Variants in DLGAP1 observed in about 807,000 individuals in gnomAD.
The protein encoded by DLGAP1 is disks large-associated protein 1.
Under a neutral mutation model 90.8 loss-of-function variants are expected in DLGAP1, and 11 were observed. That is an observed-to-expected ratio of 0.12 (90% CI 0.08 to 0.20). The LOEUF (loss-of-function observed/expected upper bound fraction) is 0.20, where lower values mean the gene tolerates loss of function less well. DLGAP1 is among the 10% of genes least tolerant of loss of function. The pLI, the probability that DLGAP1 is intolerant of heterozygous loss-of-function variation, is 1.00. For missense variants in DLGAP1, 1,050 were observed against 1,333.8 expected, an observed-to-expected ratio of 0.79 and a Z score of 3.31; for synonymous variants, 558 against 540.7, an observed-to-expected ratio of 1.03 and a Z score of -0.44.
At chr18:3,591,998 C>A (rs982535544) in intron 7 of DLGAP1, among the ~76,000 whole-genome samples, 14 of 152,078 alleles carry the variant, frequency 9.2e-5, no homozygotes, top group African/African-American at 3.4e-4. Context: ...AGCAATTGTA[C>A]CAACATCTGA....
chr18:3,927,260 A>C (rs2072412692), intron 3 of DLGAP1, among the ~76,000 whole-genome samples: 1 of 152,236 alleles, frequency 6.6e-6, no homozygotes, highest in Non-Finnish European at 1.5e-5. Context: ...TTTACATCTT[A>C]CAACTTTTGG....
chr18:3,576,107 C>T (rs1227736243), intron 8 of DLGAP1, among the ~76,000 whole-genome samples: 5 of 152,148 alleles, frequency 3.3e-5, no homozygotes, highest in Admixed American at 1.3e-4. Context: ...GGCCAGGACT[C>T]CCAAACTACA....
At chr18:3,553,794 A>G (rs551212818) in intron 9 of DLGAP1, among the ~76,000 whole-genome samples, 34 of 152,226 alleles carry the variant, frequency 2.2e-4, no homozygotes, top group African/African-American at 7.7e-4. Context: ...CGGTCCCCCA[A>G]TGTGCTGGGA....
intron 7 of DLGAP1, among the ~76,000 whole-genome samples, chr18:3,600,200 TC>T (rs1713112196): frequency 6.6e-6 from 1 of 152,208 alleles, no homozygotes; most frequent in Non-Finnish European, 1.5e-5. Context: ...GTTCATTAGT[TC>T]ATCACCATGC....
chr18:4,187,671 A>G (rs1397363729), intron 1 of DLGAP1, among the ~76,000 whole-genome samples: 1 of 152,126 alleles, frequency 6.6e-6, no homozygotes, highest in Non-Finnish European at 1.5e-5. Flanking sequence ...ATTTGACTAA[A>G]GAAAGTAATG....
chr18:3,905,469 C>A (rs2071885638), intron 3 of DLGAP1, among the ~76,000 whole-genome samples: 1 of 150,340 alleles, frequency 6.7e-6, no homozygotes, highest in Non-Finnish European at 1.5e-5. Flanking sequence ...TTATCAATAC[C>A]ATTTCCGTAC....
intron 9 of DLGAP1, among the ~76,000 whole-genome samples, chr18:3,542,340 C>A (rs976509600): frequency 7.9e-5 from 12 of 152,130 alleles, no homozygotes; most frequent in Admixed American, 7.2e-4. Context: ...GTCAATTTCA[C>A]CTGTTTATTA....
rs758469159 is a variant in DLGAP1, at chr18:3,729,385, G to A, written c.1351-10C>T. On this transcript the variant is annotated splice_polypyrimidine_tract_variant and intron_variant, in intron 6 of 12. Coordinates refer to ENST00000315677, the MANE Select transcript of DLGAP1 (RefSeq NM_004746.4). This position sits in a 1 kb window ranked among gnomAD's most constrained non-coding sequence, Gnocchi z 6.2. ...CTTCCATCTCGCTCACCTGCGGGCA[G>A]ACACAGGCGTTGTGACACTCGCCTC... 19 of 1,606,058 alleles carry A rather than the reference G, an allele frequency of 1.2e-5. 1 individual carries two copies. In the South Asian group the frequency reaches 2.0e-4, roughly 17 times the overall value.
intron 1 of DLGAP1, among the ~76,000 whole-genome samples, chr18:4,346,885 A>G (rs183903674): frequency 6.6e-6 from 1 of 152,328 alleles, no homozygotes; most frequent in Admixed American, 6.5e-5. Flanking sequence ...TCAGAGAATC[A>G]GAAAACAGTA....
chr18:4,276,641 A>T (rs143074294), intron 1 of DLGAP1, among the ~76,000 whole-genome samples: 10 of 152,260 alleles, frequency 6.6e-5, no homozygotes, highest in African/African-American at 2.4e-4. Flanking sequence ...AGCTTGAAAA[A>T]AAAAAAATAA....
chr18:3,570,412 G>A (rs2054704958), intron 8 of DLGAP1, among the ~76,000 whole-genome samples: 1 of 151,524 alleles, frequency 6.6e-6, no homozygotes, highest in Non-Finnish European at 1.5e-5. Flanking sequence ...CCAAGTAGCT[G>A]GCATTATAGG....
At chr18:3,839,680 T>G (rs9635857) in intron 4 of DLGAP1, among the ~76,000 whole-genome samples, 41,220 of 152,170 alleles carry the variant, frequency 0.27, 5,682 homozygotes, top group South Asian at 0.35. Context: ...TAATAGTCTG[T>G]ACTTGTTTTA....
intron 1 of DLGAP1, among the ~76,000 whole-genome samples, chr18:4,448,062 C>A (rs2144885793): frequency 6.6e-6 from 1 of 152,280 alleles, no homozygotes; most frequent in South Asian, 2.1e-4. Flanking sequence ...ATTTGCACCT[C>A]CACGTCTATG....
At chr18:4,164,814 G>T (rs151042647) in intron 1 of DLGAP1, among the ~76,000 whole-genome samples, 1 of 152,068 alleles carries the variant, frequency 6.6e-6, no homozygotes, top group Non-Finnish European at 1.5e-5. Context: ...CAAATGGAAA[G>T]TCTAGAACTA....
At chr18:3,920,177 T>C (rs2148909763) in intron 3 of DLGAP1, among the ~76,000 whole-genome samples, 1 of 152,130 alleles carries the variant, frequency 6.6e-6, no homozygotes, top group South Asian at 2.1e-4. Context: ...ACCCCGTCTC[T>C]ACTAAAAATA....
chr18:3,696,052 C>A (rs771247338), intron 7 of DLGAP1, among the ~76,000 whole-genome samples: 7 of 152,172 alleles, frequency 4.6e-5, no homozygotes, highest in Non-Finnish European at 8.8e-5. Context: ...ATTTTGTATC[C>A]TGAGTCTTTG....
chr18:4,369,070 T>C lies in DLGAP1; in HGVS notation c.-267+85936A>G, dbSNP rs181395576. Among the ~76,000 whole-genome samples the C allele has an allele frequency of 5.6e-3, 860 of 152,278 alleles. 8 individuals are homozygous for C. Among genetic ancestry groups the C allele is most frequent in the African/African-American group, 0.02 (828 of 41,550 alleles). On this transcript the variant is annotated intron_variant, in intron 1 of 12. Coordinates refer to ENST00000315677, the MANE Select transcript of DLGAP1 (RefSeq NM_004746.4). ...GCTCTTTTTATCAGGGAAGGAAACA[T>C]GTTCAGATAAGCAAAGATGGATCTC... is the stretch of plus-strand genomic sequence containing the variant.
chr18:4,085,850 G>A (rs1182626342), intron 2 of DLGAP1, among the ~76,000 whole-genome samples: 1 of 152,096 alleles, frequency 6.6e-6, no homozygotes, highest in Non-Finnish European at 1.5e-5. Context: ...TTCTTCCAAT[G>A]TTTCACAGCT....
intron 7 of DLGAP1, among the ~76,000 whole-genome samples, chr18:3,715,084 A>C (rs768020803): frequency 2.0e-5 from 3 of 152,240 alleles, no homozygotes; most frequent in Non-Finnish European, 2.9e-5. Context: ...CAGTGTAACC[A>C]TATGAATGGA....
Sources: allele counts gnomAD v4.1 joint callset (sites outside exome capture counted in the v4.1 genomes callset), GRCh38; gene constraint gnomAD v4.1.1; non-coding constraint Gnocchi (gnomAD v3.1); transcripts MANE v1.5; gene names NCBI Gene and HGNC (gene_info 2026-07-23, HGNC 2026-07-21).